KCNIP4: variants seen among roughly 807,000 people sequenced by gnomAD.
KCNIP4 encodes the protein potassium voltage-gated channel interacting protein 4.
Under a neutral mutation model 34.0 loss-of-function variants are expected in KCNIP4, and 12 were observed. The observed-to-expected ratio is 0.35, with a 90% CI of 0.23 to 0.57. The LOEUF is 0.57. Ranked by LOEUF, KCNIP4 falls within the 20% of genes least tolerant of loss-of-function variation. KCNIP4 has a pLI of 0.83. For synonymous variants in KCNIP4, 124 were observed against 102.2 expected (o/e 1.21, Z -1.29); for missense variants, 238 against 311.7 (o/e 0.76, Z 1.78).
At chr4:21,593,102 AATGT>A (rs1742342995) in intron 1 of KCNIP4, among the ~76,000 whole-genome samples, 1 of 70,374 alleles carries the variant, frequency 1.4e-5, no homozygotes, top group Admixed American at 1.7e-4. Flanking sequence ...CAATTTAAAT[AATGT>A]GTGTGTGTGT....
Position 21,292,610 on chromosome 4 carries a change from C to T in KCNIP4, c.62-409901G>A, listed in dbSNP as rs188929222. On this transcript the variant is annotated intron_variant, in intron 1 of 8. Transcript: ENST00000382152. ...TCACATTTGCTCGGTAAATTCACTTCCCCAGGCTCTGATAAGACTATATGG... is the reference window on the plus strand; with the variant it reads ...TCACATTTGCTCGGTAAATTCACTTTCCCAGGCTCTGATAAGACTATATGG... 4.9e-4 allele frequency among the ~76,000 whole-genome samples: 75 copies of T among 152,244 alleles called. 1 individual carries two copies. Among genetic ancestry groups the T allele is most frequent in the African/African-American group, 1.7e-3 (71 of 41,546 alleles).
chr4:20,730,391 A>C (rs114725902), intron 8 of KCNIP4, among the ~76,000 whole-genome samples: 162 of 152,268 alleles, frequency 1.1e-3, no homozygotes, highest in African/African-American at 3.6e-3. Context: ...CTTGGTATTA[A>C]TAGAGGATAT....
At chr4:21,700,915 A>C (rs1328431223) in intron 1 of KCNIP4, among the ~76,000 whole-genome samples, 3 of 152,246 alleles carry the variant, frequency 2.0e-5, no homozygotes, top group African/African-American at 2.4e-5. Context: ...GATATATATA[A>C]AAAATTAAAT....
At chr4:20,816,011 G>A (rs1490567869) in intron 3 of KCNIP4, among the ~76,000 whole-genome samples, 1 of 152,104 alleles carries the variant, frequency 6.6e-6, no homozygotes, top group Non-Finnish European at 1.5e-5. Flanking sequence ...CACTTTTGGA[G>A]GCCAAGGTGG....
intron 1 of KCNIP4, among the ~76,000 whole-genome samples, chr4:21,021,863 TAG>T (rs1740086344): frequency 2.1e-5 from 2 of 93,520 alleles, no homozygotes; most frequent in Non-Finnish European, 4.5e-5. Context: ...TAGTATCGTA[TAG>T]TATAGTATAG....
At chr4:21,172,460 G>T (rs1002895757) in intron 1 of KCNIP4, among the ~76,000 whole-genome samples, 2 of 152,146 alleles carry the variant, frequency 1.3e-5, no homozygotes, top group South Asian at 2.1e-4. Flanking sequence ...AAAAACTAGT[G>T]GGGGGAAGAG....
rs557031363 is a variant in KCNIP4 at position 20,967,882 on chromosome 4, T to C, written c.62-85173A>G. 3.3e-5 allele frequency among the ~76,000 whole-genome samples: 5 copies of C among 152,300 alleles called. No homozygotes were observed. The East Asian group carries it at 9.7e-4, about 29-fold the overall frequency. ...GACATAGGCATGGGCAAAGACTTCA[T>C]GACTAACACACCAAAAGCAATGGCA... On this transcript the variant is annotated intron_variant, in intron 1 of 8. Transcript: ENST00000382152.
At chr4:20,797,321 C>T (rs1428292525) in intron 3 of KCNIP4, among the ~76,000 whole-genome samples, 4 of 152,114 alleles carry the variant, frequency 2.6e-5, no homozygotes. Context: ...TATAATCAAG[C>T]ATGCCTGAGA....
intron 1 of KCNIP4, chr4:21,845,824 T>C (rs1723980824): frequency 6.6e-6 from 1 of 152,122 alleles, no homozygotes; most frequent in Admixed American, 6.5e-5. Context: ...GACTTTGAAA[T>C]ATCTTAGTAG....
rs11932626 is a variant in KCNIP4 at position 21,197,308 on chromosome 4, T to C, written c.62-314599A>G. Among the ~76,000 whole-genome samples the C allele has an allele frequency of 5.3e-3, 814 of 152,330 alleles. 14 individuals carry two copies. The highest frequency in any genetic ancestry group is 0.019 in the African/African-American group (778 of 41,566). On this transcript the variant is annotated intron_variant, in intron 1 of 8. Transcript: ENST00000382152. ...ATTGCTAGCTCAGAGTATGTACTTATGTTTAACTTTAGTAGACATCAGTAG... is the reference window on the plus strand; with the variant it reads ...ATTGCTAGCTCAGAGTATGTACTTACGTTTAACTTTAGTAGACATCAGTAG...
chr4:21,004,161 A>G (rs564505307), intron 1 of KCNIP4, among the ~76,000 whole-genome samples: 1 of 152,338 alleles, frequency 6.6e-6, no homozygotes, highest in South Asian at 2.1e-4. Context: ...ATCCAAGACT[A>G]AAAAAGTGAG....
At chr4:21,452,242 A>G (rs924057169) in intron 1 of KCNIP4, among the ~76,000 whole-genome samples, 2 of 152,140 alleles carry the variant, frequency 1.3e-5, no homozygotes, top group African/African-American at 4.8e-5. Context: ...AATTCTACAC[A>G]TCACTTTCCG....
intron 1 of KCNIP4, among the ~76,000 whole-genome samples, chr4:21,325,509 C>G (rs1391736183): frequency 6.6e-6 from 1 of 151,688 alleles, no homozygotes; most frequent in African/African-American, 2.4e-5. Flanking sequence ...ATTAGTCTGT[C>G]TAAAGTTCTG....
chr4:20,802,470 A>C (rs1026391324), intron 3 of KCNIP4, among the ~76,000 whole-genome samples: 4 of 152,096 alleles, frequency 2.6e-5, no homozygotes, highest in Non-Finnish European at 4.4e-5. Flanking sequence ...AAATGAGGAT[A>C]TAATGGACTC....
At chr4:20,969,850 A>C (rs1019207128) in intron 1 of KCNIP4, among the ~76,000 whole-genome samples, 1 of 152,112 alleles carries the variant, frequency 6.6e-6, no homozygotes. Context: ...TTAAATCTAT[A>C]TAAAATTTTA....
intron 1 of KCNIP4, among the ~76,000 whole-genome samples, chr4:21,250,489 G>T (rs1354209902): frequency 6.6e-6 from 1 of 152,078 alleles, no homozygotes; most frequent in African/African-American, 2.4e-5. Flanking sequence ...CCTACTATTT[G>T]GCTGAATTTT....
chr4:21,421,607 C>T (rs946383252), intron 1 of KCNIP4, among the ~76,000 whole-genome samples: 1 of 151,972 alleles, frequency 6.6e-6, no homozygotes, highest in Non-Finnish European at 1.5e-5. Context: ...ATGGTGGTTG[C>T]TAGGGGCTGG....
intron 3 of KCNIP4, among the ~76,000 whole-genome samples, chr4:20,762,640 A>T (rs914016258): frequency 6.6e-6 from 1 of 152,248 alleles, no homozygotes; most frequent in African/African-American, 2.4e-5. Flanking sequence ...AGCAAAGTGT[A>T]AAACATAAAC....
intron 1 of KCNIP4, among the ~76,000 whole-genome samples, chr4:21,072,524 C>A (rs1486507782): frequency 2.7e-5 from 4 of 150,416 alleles, no homozygotes; most frequent in African/African-American, 7.4e-5. Flanking sequence ...TGTTTAAGTT[C>A]TTTGTAGATT....
Sources: gnomAD v4.1 joint callset for allele counts (sites outside exome capture counted in the v4.1 genomes callset) on GRCh38, gnomAD v4.1.1 for gene constraint, MANE v1.5 for transcripts, NCBI Gene and HGNC (gene_info 2026-07-23, HGNC 2026-07-21) for gene names.